The following TMEM109 variants were observed in gnomAD, a reference collection of about 807,000 sequenced individuals.
The protein encoded by TMEM109 is voltage-gated monoatomic cation channel TMEM109.
In TMEM109, 19 loss-of-function variants were observed where a neutral mutation model predicts 26.4. The ratio of observed to expected loss-of-function variants is 0.72; its 90% CI spans 0.50 to 1.06. The LOEUF (loss-of-function observed/expected upper bound fraction) is 1.06, where lower values mean the gene tolerates loss of function less well. TMEM109 is among the 50% of genes least tolerant of loss of function. The pLI, the probability that TMEM109 is intolerant of heterozygous loss-of-function variation, is 0.00. For synonymous variants in TMEM109, 129 were observed against 142.0 expected (o/e 0.91, Z 0.65); for missense variants, 262 against 303.4 (o/e 0.86, Z 1.01).
At position 60,921,833 on chromosome 11, in the gene TMEM109, T is replaced by G; in HGVS notation, c.400T>G (p.Trp134Gly). The change falls in exon 4 of 4, where the codon TGG (tryptophan) becomes GGG (glycine). Residue 134 changes from tryptophan (W) to glycine (G), a missense_variant. Trp to Gly is a radical substitution (Grantham distance 184). Transcript: ENST00000227525. ...TGGCCAGGTCCAGACCTTCCTGCTG[T>G]GGGGAGCAGGGGCCCTGGTCGTCTA... is the stretch of plus-strand genomic sequence containing the variant. Reference protein sequence around the residue: ...SPGQVQTFLLWGAGALVVYWL... With the variant: ...SPGQVQTFLLGGAGALVVYWL... The G allele has an allele frequency of 6.2e-7, 1 of 1,614,094 alleles. No individual in the cohort carries two copies. The highest frequency in any genetic ancestry group is 8.5e-7 in the Non-Finnish European group (1 of 1,180,024).
chr11:60,921,586 T>C (rs1262138511), intron 3 of TMEM109, among the ~76,000 whole-genome samples, 188 bp from the exon 4 acceptor site: 1 of 152,186 alleles, frequency 6.6e-6, no homozygotes. Context: ...CAGAAGCAAG[T>C]AATCTACTCC....
rs1259278035 is a variant in TMEM109, at chr11:60,923,205, A to T, written c.*1040A>T. The T allele has an allele frequency of 6.6e-6, 1 of 152,376 alleles. No homozygotes were observed. Among genetic ancestry groups the T allele is most frequent in the African/African-American group, 2.4e-5 (1 of 41,360 alleles). The allele number at this position is 152,376 out of a possible 1,614,324, so 9.4% of individuals were successfully genotyped here. A position where few individuals can be genotyped will look rare whatever the true frequency, so the allele number is the denominator to read the frequency against. On this transcript the variant is annotated 3_prime_UTR_variant, in exon 4 of 4. Coordinates refer to ENST00000227525, the MANE Select transcript of TMEM109 (RefSeq NM_024092.3). ...GAGCTGCCAGCTGCCCCTCTCCACC[A>T]GGGTACCCTGTCTTGGTGGTTAGGG...
At chr11:60,915,091 G>A (rs569596043) in intron 1 of TMEM109, among the ~76,000 whole-genome samples, 1 of 152,308 alleles carries the variant, frequency 6.6e-6, no homozygotes, top group African/African-American at 2.4e-5. Flanking sequence ...AGGCGCTGGG[G>A]ATTCCAACAT....
rs376323237 is a variant in TMEM109 at position 60,916,376 on chromosome 11, GTTAA to G, written c.-9+2111_-9+2114del. ...TATAACATTTGTATTATTATGAGTT[GTTAA>G]TTGAGTGCCTATTATTTGTCTGAGG... On this transcript the variant is annotated intron_variant, in intron 1 of 3. Transcript: ENST00000227525. 2.6e-4 allele frequency among the ~76,000 whole-genome samples: 40 copies of G among 152,340 alleles called. 1 individual carries two copies. The East Asian group carries it at 7.1e-3, about 27-fold the overall frequency.
chr11:60,921,783 T>C lies in TMEM109; in HGVS notation c.350T>C (p.Leu117Pro). Residue 117 changes from leucine to proline, a missense_variant, in exon 4 of 4, where the codon CTC becomes CCC. Physicochemically the swap from Leu to Pro is moderately conservative, Grantham distance 98 (BLOSUM62 -3). Coordinates refer to ENST00000227525, the MANE Select transcript of TMEM109 (RefSeq NM_024092.3). ...LNALGLAGDY[L>P]AQGLKLSPGQ... is the part of the protein sequence containing the mutation. ...CTCTCTTGGCTTCCAGGTGATTACCTCGCCCAGGGCCTGAAGCTCAGCCCT... is the reference window on the plus strand; with the variant it reads ...CTCTCTTGGCTTCCAGGTGATTACCCCGCCCAGGGCCTGAAGCTCAGCCCT... The C allele has an allele frequency of 6.2e-7, 1 of 1,608,862 alleles. No individual in the cohort carries two copies. Among genetic ancestry groups the C allele is most frequent in the Non-Finnish European group, 8.5e-7 (1 of 1,178,186 alleles).
In TMEM109 at chr11:60,921,705, AGCTCTTGCCCC is replaced by A. The variant is rs1449312933; in HGVS notation, c.341-63_341-53del. 2.1e-5 allele frequency: 26 copies of A among 1,241,518 alleles called. No individual in the cohort carries two copies. The East Asian group carries it at 5.8e-4, about 28-fold the overall frequency. The allele number at this position is 1,241,518 out of a possible 1,614,324, so 76.9% of individuals were successfully genotyped here. On this transcript the variant is annotated intron_variant, in intron 3 of 3. Transcript: ENST00000227525. ...TGTGCCTAGCACCTCCCACCCTTTT[AGCTCTTGCCCC>A]GCTCTCCCCTCACCACTTCTCCAGG...
chr11:60,920,300 G>T (rs920482951), intron 2 of TMEM109, among the ~76,000 whole-genome samples: 1 of 152,196 alleles, frequency 6.6e-6, no homozygotes, highest in East Asian at 1.9e-4. Context: ...CTGCAGAAGT[G>T]GGTTGAGCTT....
intron 2 of TMEM109, 101 bp downstream of exon 2, chr11:60,920,031 G>A (rs998887421): frequency 8.2e-6 from 8 of 970,980 alleles, no homozygotes; most frequent in South Asian, 2.8e-5. Flanking sequence ...CCTCTCTGGT[G>A]CAGAGAGCCC....
rs1856216460 is a variant in TMEM109 at position 60,919,946 on chromosome 11, C to G, written c.237+16C>G. The stretch of plus-strand genomic sequence containing the variant: ...GGTGTCAGAGGTAAGGAAGGTAGTC[C>G]CTGTGTGACTACACACATTAAGGAA... On this transcript the variant is annotated intron_variant, in intron 2 of 3. Coordinates refer to ENST00000227525, the MANE Select transcript of TMEM109 (RefSeq NM_024092.3). 2.5e-6 allele frequency: 4 copies of G among 1,590,614 alleles called. No homozygotes were observed. In the Middle Eastern group the frequency reaches 5.0e-4, roughly 198 times the overall value.
intron 1 of TMEM109, among the ~76,000 whole-genome samples, chr11:60,917,615 A>G (rs1856186909): frequency 6.6e-6 from 1 of 152,196 alleles, no homozygotes. Context: ...ATTCACTGAG[A>G]TGATTGGTAG....
chr11:60,914,917 C>G (rs1856157027), intron 1 of TMEM109, among the ~76,000 whole-genome samples: 1 of 152,252 alleles, frequency 6.6e-6, no homozygotes, highest in South Asian at 2.1e-4. Flanking sequence ...TAGGACCTTC[C>G]TTTAGACTCA....
chr11:60,920,883 C>A lies in TMEM109; in HGVS notation c.238-3C>A. 6.2e-7 allele frequency: 1 copy of A among 1,613,524 alleles called. No individual in the cohort carries two copies. The highest frequency in any genetic ancestry group is 8.5e-7 in the Non-Finnish European group (1 of 1,179,448). Reference sequence around the variant, plus strand: ...CTCATCTCGCTCCGTGCTCTTTCCACAGTCTTCGTCCCAAGTGTTGTGGGC... The same window carrying A: ...CTCATCTCGCTCCGTGCTCTTTCCAAAGTCTTCGTCCCAAGTGTTGTGGGC... On this transcript the variant is annotated splice_region_variant and splice_polypyrimidine_tract_variant and intron_variant, in intron 2 of 3. Transcript: ENST00000227525.
chr11:60,918,283 A>T (rs541215295), intron 1 of TMEM109, among the ~76,000 whole-genome samples: 1 of 152,328 alleles, frequency 6.6e-6, no homozygotes, highest in South Asian at 2.1e-4. Flanking sequence ...CTATAACAGA[A>T]TGCCACTGCC....
chr11:60,921,692 C>A (rs1856240896), intron 3 of TMEM109, 82 bp from the exon 4 acceptor site: 1 of 1,079,104 alleles, frequency 9.3e-7, no homozygotes, highest in Non-Finnish European at 1.4e-6. Flanking sequence ...TGCCTAGCAC[C>A]TCCCACCCTT....
At chr11:60,921,078 C>T (rs1856231798) in intron 3 of TMEM109, 90 bp downstream of exon 3, 1 of 1,162,604 alleles carries the variant, frequency 8.6e-7, no homozygotes. Context: ...CTAGCCTTTT[C>T]CCCAAGCTGC....
intron 2 of TMEM109, 68 bp downstream of exon 2, chr11:60,919,998 G>A: frequency 7.5e-7 from 1 of 1,340,870 alleles, no homozygotes; most frequent in Non-Finnish European, 1.1e-6. Context: ...GTTGGTAATG[G>A]CCACCTCATC....
At chr11:60,920,694 C>G (rs924425596) in intron 2 of TMEM109, among the ~76,000 whole-genome samples, 192 bp from the exon 3 acceptor site, 5 of 152,218 alleles carry the variant, frequency 3.3e-5, no homozygotes, top group African/African-American at 1.2e-4. Flanking sequence ...TCCCTGTAGA[C>G]TAGAAGGTGG....
intron 2 of TMEM109, among the ~76,000 whole-genome samples, chr11:60,920,292 G>A (rs1707919102): frequency 6.6e-6 from 1 of 152,170 alleles, no homozygotes; most frequent in Admixed American, 6.5e-5. Flanking sequence ...TCCTTCACCT[G>A]CAGAAGTGGG....
rs117766262 is a variant in TMEM109 at position 60,915,751 on chromosome 11, G to A, written c.-9+1483G>A. ...AGGAGGAAGGAGCCTTGATTGGGAGGGGGGGGCGCGAAATGCCCCATCCTA... is the reference window on the plus strand; with the variant it reads ...AGGAGGAAGGAGCCTTGATTGGGAGAGGGGGGCGCGAAATGCCCCATCCTA... On this transcript the variant is annotated intron_variant, in intron 1 of 3. Coordinates refer to ENST00000227525, the MANE Select transcript of TMEM109 (RefSeq NM_024092.3). Among the ~76,000 whole-genome samples, 14 of 152,240 alleles carry A rather than the reference G, an allele frequency of 9.2e-5. No homozygotes were observed. The East Asian group carries it at 1.9e-3, about 21-fold the overall frequency.
Sources: gnomAD v4.1 joint callset for allele counts (sites outside exome capture counted in the v4.1 genomes callset) on GRCh38, gnomAD v4.1.1 for gene constraint, MANE v1.5 for transcripts, NCBI Gene and HGNC (gene_info 2026-07-23, HGNC 2026-07-21) for gene names.